The following TTC21B variants were observed in gnomAD, a reference collection of about 807,000 sequenced individuals.
TTC21B encodes tetratricopeptide repeat domain 21B.
In TTC21B, 127 loss-of-function variants were observed where a neutral mutation model predicts 175.1. The ratio of observed to expected loss-of-function variants is 0.73; its 90% CI spans 0.63 to 0.84. The LOEUF is 0.84. TTC21B is among the 40% of genes least tolerant of loss of function. TTC21B has a pLI of 0.00. For synonymous variants in TTC21B, 524 were observed against 524.5 expected, an observed-to-expected ratio of 1.00 and a Z score of 0.01; for missense variants, 1,561 against 1,558.3, an observed-to-expected ratio of 1.00 and a Z score of -0.03.
At position 165,924,678 on chromosome 2, in the gene TTC21B, G is replaced by A. The variant is rs16851307; in HGVS notation, c.1387C>T (p.Pro463Ser). The change falls in exon 12 of 29, where the codon CCT (proline) becomes TCT (serine). Residue 463 changes from proline to serine, a missense_variant and splice_region_variant. Transcript: ENST00000243344. ...CAAAGAGGTTGCCCAGGACTTGCAG[G>A]CTAAACAAAACAAATCAGCAGATCA... ...MEYLSFCPMQPASPGQPLCPL... is the reference protein window; with the variant it reads ...MEYLSFCPMQSASPGQPLCPL... 3,868 of 1,613,066 alleles carry A rather than the reference G, an allele frequency of 2.4e-3. 93 individuals are homozygous for A. In the African/African-American group the frequency reaches 0.047, roughly 19 times the overall value.
chr2:165,918,583 C>T (rs1257506319), intron 13 of TTC21B, among the ~76,000 whole-genome samples: 1 of 152,160 alleles, frequency 6.6e-6, no homozygotes, highest in Non-Finnish European at 1.5e-5. Flanking sequence ...GCGTGAGCCA[C>T]CACGCCCGGC....
intron 18 of TTC21B, among the ~76,000 whole-genome samples, chr2:165,909,334 CT>C (rs1490264642): frequency 1.3e-5 from 2 of 151,894 alleles, no homozygotes; most frequent in East Asian, 3.9e-4. Flanking sequence ...TAGGGAAGGT[CT>C]TTTAGAGAGT....
chr2:165,908,341 A>G (rs1219204324), intron 18 of TTC21B, among the ~76,000 whole-genome samples: 1 of 152,142 alleles, frequency 6.6e-6, no homozygotes, highest in African/African-American at 2.4e-5. Context: ...GATAGTAACT[A>G]CCTCACAGGG....
intron 24 of TTC21B, among the ~76,000 whole-genome samples, chr2:165,889,637 C>G (rs543887441): frequency 6.6e-6 from 1 of 152,246 alleles, no homozygotes; most frequent in South Asian, 2.1e-4. Flanking sequence ...TAACTGGTCT[C>G]GGTAATCCAA....
rs1417670473 is a variant in TTC21B at position 165,915,204 on chromosome 2, A to T, written c.2135T>A (p.Phe712Tyr). 1.2e-6 allele frequency: 2 copies of T among 1,610,500 alleles called. No homozygotes were observed. The highest frequency in any genetic ancestry group is 8.5e-7 in the Non-Finnish European group (1 of 1,176,852). ...ATGGGTTAAGACAATTACTTACCTA[A>T]AACAAGTGATATATAACATTTTATC... ...RKDKMLYITC[F>Y]REIAERMANP... The change falls in exon 15 of 29, where the codon TTT becomes TAT. Residue 712 changes from phenylalanine (F) to tyrosine (Y), a missense_variant. By Grantham distance (22) the Phe-to-Tyr change is conservative (BLOSUM62 3). Coordinates refer to ENST00000243344, the MANE Select transcript of TTC21B (RefSeq NM_024753.5).
At chr2:165,946,074 G>A (rs896241163) in intron 3 of TTC21B, among the ~76,000 whole-genome samples, 21 of 151,494 alleles carry the variant, frequency 1.4e-4, no homozygotes, top group Non-Finnish European at 2.6e-4. Context: ...GCCTGCAATC[G>A]CAGCACTTTG....
At chr2:165,905,372 T>C (rs543693778) in intron 19 of TTC21B, among the ~76,000 whole-genome samples, 17 of 152,012 alleles carry the variant, frequency 1.1e-4, no homozygotes, top group Non-Finnish European at 2.2e-4. Context: ...AAAACTATAA[T>C]AGATTTAGAT....
intron 19 of TTC21B, among the ~76,000 whole-genome samples, chr2:165,906,994 A>G (rs561797259): frequency 1.6e-4 from 25 of 151,528 alleles, no homozygotes; most frequent in African/African-American, 6.0e-4. Flanking sequence ...AAGAATTAGC[A>G]TCAATTTGTT....
chr2:165,902,011 G>T, intron 19 of TTC21B, 101 bp from the exon 20 acceptor site: 1 of 1,049,028 alleles, frequency 9.5e-7, no homozygotes, highest in Non-Finnish European at 1.4e-6. Flanking sequence ...TAAACATTAT[G>T]AACCCTTGAT....
At chr2:165,918,932 T>A (rs1035795323) in intron 13 of TTC21B, among the ~76,000 whole-genome samples, 1 of 152,324 alleles carries the variant, frequency 6.6e-6, no homozygotes, top group Middle Eastern at 3.4e-3. Flanking sequence ...ATAAAAATAT[T>A]TGACATAAGG....
chr2:165,931,062 C>T (rs1686889359), intron 8 of TTC21B, among the ~76,000 whole-genome samples: 2 of 151,784 alleles, frequency 1.3e-5, no homozygotes, highest in Admixed American at 1.3e-4. Flanking sequence ...AGGTAAATAC[C>T]TCCTTAATTC....
rs772177785 is a variant in TTC21B, at chr2:165,929,194, G to C, written c.1327C>G (p.Leu443Val). ...ATTTCTAACAAGAAATCAGGATTTA[G>C]CTTTTCAAAATACTGTATGCCAAGA... Reference protein sequence around the residue: ...LPLGIQYFEKLNPDFLLEIVM... With the variant: ...LPLGIQYFEKVNPDFLLEIVM... The change falls in exon 11 of 29, where the codon CTA becomes GTA. Residue 443 changes from leucine (L) to valine (V), a missense_variant. Leu to Val is a conservative substitution (Grantham distance 32). Coordinates refer to ENST00000243344, the MANE Select transcript of TTC21B (RefSeq NM_024753.5). The C allele has an allele frequency of 3.1e-6, 5 of 1,612,934 alleles. No individual in the cohort carries two copies. In the East Asian group the frequency reaches 1.1e-4, roughly 36 times the overall value.
rs1347669823 is a variant in TTC21B, at chr2:165,932,992, C to G, written c.776G>C (p.Arg259Thr). ...ACTTACCTTCTCTATATCCCCCTCT[C>G]TACACACATAGTAGAGTGCCTGCAT... ...LRMQALYYVCREGDIEKASTK... is the reference protein window; with the variant it reads ...LRMQALYYVCTEGDIEKASTK... Residue 259 changes from arginine to threonine, a missense_variant, in exon 7 of 29, where the codon AGA (arginine) becomes ACA (threonine). Arg to Thr is a moderately conservative substitution (Grantham distance 71). Transcript: ENST00000243344. 8 of 1,613,178 alleles carry G rather than the reference C, an allele frequency of 5.0e-6. No homozygotes were observed. The highest frequency in any genetic ancestry group is 1.1e-5 in the South Asian group (1 of 90,942).
At chr2:165,883,220 A>G (rs1192253449) in intron 26 of TTC21B, among the ~76,000 whole-genome samples, 1 of 152,206 alleles carries the variant, frequency 6.6e-6, no homozygotes, top group Non-Finnish European at 1.5e-5. Context: ...GAACTGTTAT[A>G]ATGACATCTT....
At chr2:165,945,942 T>C (rs1687543679) in intron 3 of TTC21B, among the ~76,000 whole-genome samples, 1 of 152,196 alleles carries the variant, frequency 6.6e-6, no homozygotes, top group Non-Finnish European at 1.5e-5. Context: ...AATGCATCAT[T>C]GACATAAAAA....
intron 11 of TTC21B, among the ~76,000 whole-genome samples, chr2:165,926,801 T>C (rs1686645799): frequency 1.3e-5 from 2 of 151,706 alleles, no homozygotes; most frequent in South Asian, 4.2e-4. Flanking sequence ...CCTCCCAGTC[T>C]ACATCTTTCT....
Position 165,929,348 on chromosome 2 carries a change from T to C in TTC21B, c.1186-13A>G. The C allele has an allele frequency of 6.3e-7, 1 of 1,581,978 alleles. No individual in the cohort carries two copies. The highest frequency in any genetic ancestry group is 8.7e-7 in the Non-Finnish European group (1 of 1,153,876). ...AATAGATTAATTCCTAGAAAATAAGTAGTTTTCATAAATTATTCCATTTAG... is the reference window on the plus strand; with the variant it reads ...AATAGATTAATTCCTAGAAAATAAGCAGTTTTCATAAATTATTCCATTTAG... On this transcript the variant is annotated splice_polypyrimidine_tract_variant and intron_variant, in intron 10 of 28. Transcript: ENST00000243344.
At position 165,933,072 on chromosome 2, in the gene TTC21B, T is replaced by C. The variant is rs1686972820; in HGVS notation, c.711-15A>G. 6.2e-7 allele frequency: 1 copy of C among 1,608,120 alleles called. No homozygotes were observed. Among genetic ancestry groups the C allele is most frequent in the Admixed American group, 1.7e-5 (1 of 59,926 alleles). ...GGAGCAGCAACCTGCAGGAAAACAA[T>C]TTAGTTAATGTCAAAATAAATTTAT... On this transcript the variant is annotated splice_polypyrimidine_tract_variant and intron_variant, in intron 6 of 28. Coordinates refer to ENST00000243344, the MANE Select transcript of TTC21B (RefSeq NM_024753.5).
intron 27 of TTC21B, among the ~76,000 whole-genome samples, chr2:165,879,015 A>G (rs1684760329): frequency 6.6e-6 from 1 of 152,124 alleles, no homozygotes; most frequent in Non-Finnish European, 1.5e-5. Flanking sequence ...CTGACAACTG[A>G]AAAAGTGAAA....
Sources: gnomAD v4.1 joint callset for allele counts (sites outside exome capture counted in the v4.1 genomes callset) on GRCh38, gnomAD v4.1.1 for gene constraint, MANE v1.5 for transcripts, NCBI Gene and HGNC (gene_info 2026-07-23, HGNC 2026-07-21) for gene names.